The following CHRM3 variants were observed in gnomAD, a reference collection of about 807,000 sequenced individuals.
The protein encoded by CHRM3 is muscarinic acetylcholine receptor M3.
CHRM3 carries 11 observed loss-of-function variants against 41.8 expected under a neutral mutation model. The ratio of observed to expected loss-of-function variants is 0.26; its 90% CI spans 0.17 to 0.44. The LOEUF (loss-of-function observed/expected upper bound fraction) is 0.44, where lower values mean the gene tolerates loss of function less well. Among genes scored for constraint, CHRM3 ranks in the 20% least tolerant of loss-of-function variants. The probability of loss-of-function intolerance (pLI) is 1.00; values close to 1 mark genes in which losing one functional copy is unlikely to be tolerated. For synonymous variants in CHRM3, 297 were observed against 301.4 expected, an observed-to-expected ratio of 0.99 and a Z score of 0.15; for missense variants, 571 against 745.4, an observed-to-expected ratio of 0.77 and a Z score of 2.72.
chr1:239,887,039 T>C (rs1678131036), intron 6 of CHRM3, among the ~76,000 whole-genome samples: 1 of 152,204 alleles, frequency 6.6e-6, no homozygotes, highest in Admixed American at 6.5e-5. Context: ...TGACTCAGCA[T>C]TCATTCATGT....
intron 1 of CHRM3, among the ~76,000 whole-genome samples, chr1:239,392,838 C>T (rs1326259786): frequency 6.6e-6 from 1 of 152,178 alleles, no homozygotes; most frequent in Non-Finnish European, 1.5e-5. Flanking sequence ...TACATTTTCT[C>T]CCACTAGAAT....
In CHRM3 at chr1:239,519,741, C is replaced by CTTTTTTTTTTT. The variant is rs386370161; in HGVS notation, c.-421-25886_-421-25876dup. ...ATTTTCACGTGGTTAAAAACTAGTTCTTTTTTTTTTTTTTTTTTTTTTTTG... is the reference window on the plus strand; with the variant it reads ...ATTTTCACGTGGTTAAAAACTAGTTCTTTTTTTTTTTTTTTTTTTTTTTTTTTTTTTTTTTG... On this transcript the variant is annotated intron_variant, in intron 2 of 6. Transcript: ENST00000676153. 3.1e-4 allele frequency among the ~76,000 whole-genome samples: 26 copies of CTTTTTTTTTTT among 85,054 alleles called. 1 individual carries two copies. The highest frequency in any genetic ancestry group is 3.9e-4 in the African/African-American group (8 of 20,722). The allele number at this position is 85,054 out of a possible 152,430, so 55.8% of individuals were successfully genotyped here.
intron 5 of CHRM3, among the ~76,000 whole-genome samples, chr1:239,822,730 A>C (rs1672153147): frequency 6.6e-6 from 1 of 152,218 alleles, no homozygotes; most frequent in African/African-American, 2.4e-5. Flanking sequence ...ATAATTAATA[A>C]AAGTTAAATT....
At chr1:239,670,678 C>A (rs1475766567) in intron 4 of CHRM3, among the ~76,000 whole-genome samples, 1 of 152,046 alleles carries the variant, frequency 6.6e-6, no homozygotes, top group Non-Finnish European at 1.5e-5. Context: ...CAGGCGTGCT[C>A]CACCACACCC....
intron 2 of CHRM3, among the ~76,000 whole-genome samples, chr1:239,532,307 G>A (rs1349304979): frequency 2.8e-5 from 4 of 140,652 alleles, no homozygotes; most frequent in Non-Finnish European, 4.7e-5. Flanking sequence ...CACCGCGCCC[G>A]GCTGGTGGAG....
chr1:239,774,323 A>G (rs182742064), intron 5 of CHRM3, among the ~76,000 whole-genome samples: 2 of 152,222 alleles, frequency 1.3e-5, no homozygotes, highest in Admixed American at 6.5e-5. Context: ...ATGTATTTTA[A>G]TAGTCGTAGT....
At chr1:239,685,327 C>T (rs146046883) in intron 5 of CHRM3, among the ~76,000 whole-genome samples, 1 of 152,142 alleles carries the variant, frequency 6.6e-6, no homozygotes, top group Non-Finnish European at 1.5e-5. Context: ...TGAGTATCCA[C>T]CACAAAGCAA....
At chr1:239,772,134 C>T (rs770840975) in intron 5 of CHRM3, among the ~76,000 whole-genome samples, 26 of 152,010 alleles carry the variant, frequency 1.7e-4, no homozygotes, top group Non-Finnish European at 3.1e-4. Context: ...AGAAACTTTC[C>T]ATTTCTATGT....
chr1:239,413,681 C>T (rs528499452), intron 1 of CHRM3, among the ~76,000 whole-genome samples: 9 of 152,172 alleles, frequency 5.9e-5, no homozygotes, highest in East Asian at 1.9e-4. Flanking sequence ...TATGTGGAAA[C>T]GAAGAACTCA....
intron 6 of CHRM3, among the ~76,000 whole-genome samples, chr1:239,851,725 T>A (rs1240574127): frequency 5.9e-5 from 9 of 152,210 alleles, no homozygotes; most frequent in Admixed American, 5.9e-4. Flanking sequence ...GAACTTAGTT[T>A]ATAGAAAGTG....
At chr1:239,473,962 G>T (rs1004234211) in intron 1 of CHRM3, among the ~76,000 whole-genome samples, 1 of 151,922 alleles carries the variant, frequency 6.6e-6, no homozygotes, top group Non-Finnish European at 1.5e-5. Context: ...ATTAGGGAAG[G>T]TTTCAGTGGA....
At chr1:239,613,708 C>A (rs371700847) in intron 3 of CHRM3, among the ~76,000 whole-genome samples, 1 of 152,308 alleles carries the variant, frequency 6.6e-6, no homozygotes, top group African/African-American at 2.4e-5. Context: ...GCAGTCTTCC[C>A]TCTGCATGTG....
intron 1 of CHRM3, among the ~76,000 whole-genome samples, chr1:239,406,401 AT>A (rs1660599314): frequency 6.6e-6 from 1 of 152,208 alleles, no homozygotes; most frequent in South Asian, 2.1e-4. Flanking sequence ...AAACAAAGAA[AT>A]TTGATACTCT....
At chr1:239,793,171 A>G (rs528656130) in intron 5 of CHRM3, among the ~76,000 whole-genome samples, 1 of 152,338 alleles carries the variant, frequency 6.6e-6, no homozygotes, top group South Asian at 2.1e-4. Context: ...TAAAATGAGT[A>G]GCCATTCTAA....
chr1:239,889,362 C>T (rs1439014039), intron 6 of CHRM3, among the ~76,000 whole-genome samples: 1 of 152,122 alleles, frequency 6.6e-6, no homozygotes, highest in Non-Finnish European at 1.5e-5. Flanking sequence ...TCTGCCTGAC[C>T]TGTGCCATGT....
chr1:239,752,856 A>C (rs1665944332), intron 5 of CHRM3, among the ~76,000 whole-genome samples: 1 of 152,214 alleles, frequency 6.6e-6, no homozygotes, highest in African/African-American at 2.4e-5. Flanking sequence ...AAACATCAGA[A>C]GTCAAACAGG....
chr1:239,794,316 C>T (rs1832564), intron 5 of CHRM3, among the ~76,000 whole-genome samples: 12,851 of 151,322 alleles, frequency 0.085, 836 homozygotes, highest in East Asian at 0.4. Context: ...AAAAAACCTT[C>T]ACAAGTTTAA....
intron 5 of CHRM3, among the ~76,000 whole-genome samples, chr1:239,728,298 A>G (rs1015730214): frequency 9.2e-5 from 14 of 152,010 alleles, no homozygotes; most frequent in African/African-American, 3.4e-4. Context: ...AGGATATAAC[A>G]GAATGAGACC....
chr1:239,874,945 C>CA (rs1676994192), intron 6 of CHRM3, among the ~76,000 whole-genome samples: 1 of 152,016 alleles, frequency 6.6e-6, no homozygotes, highest in Admixed American at 6.6e-5. Flanking sequence ...GTGATCCGCC[C>CA]ACCTCAGCCT....
Sources: gnomAD v4.1 joint callset for allele counts (sites outside exome capture counted in the v4.1 genomes callset) on GRCh38, gnomAD v4.1.1 for gene constraint, MANE v1.5 for transcripts, NCBI Gene and HGNC (gene_info 2026-07-23, HGNC 2026-07-21) for gene names.